The following TSPEAR variants were observed in gnomAD, a reference collection of about 807,000 sequenced individuals.
TSPEAR encodes thrombospondin type laminin G domain and EAR repeats.
TSPEAR carries 69 observed loss-of-function variants against 71.6 expected under a neutral mutation model. That is an observed-to-expected ratio of 0.96 (90% CI 0.79 to 1.18). The LOEUF is 1.18. Among genes scored for constraint, TSPEAR ranks in the 50% most tolerant of loss-of-function variants. TSPEAR has a pLI of 0.00. For synonymous variants in TSPEAR, 402 were observed against 387.2 expected (o/e 1.04, Z -0.45); for missense variants, 971 against 894.9 (o/e 1.09, Z -1.09).
At chr21:44,662,472 T>A (rs1419760406) in intron 1 of TSPEAR, among the ~76,000 whole-genome samples, 2 of 152,200 alleles carry the variant, frequency 1.3e-5, no homozygotes, top group African/African-American at 4.8e-5. Flanking sequence ...AACAGCCAAC[T>A]TTCCAAACAC....
chr21:44,697,920 G>A (rs781949973), intron 1 of TSPEAR: 1 of 1,612,054 alleles, frequency 6.2e-7, no homozygotes, highest in Non-Finnish European at 8.5e-7. Flanking sequence ...CGCCCCACAT[G>A]TTCCCGCCTG....
intron 10 of TSPEAR, among the ~76,000 whole-genome samples, chr21:44,505,664 G>A (rs1021389547): frequency 6.7e-6 from 1 of 148,902 alleles, no homozygotes; most frequent in South Asian, 2.1e-4. Flanking sequence ...GGAATCGCAC[G>A]GTATTTGTCC....
At position 44,525,742 on chromosome 21, in the gene TSPEAR, T is replaced by G. The variant is rs781913166; in HGVS notation, c.1247A>C (p.Tyr416Ser). The change falls in exon 8 of 12, where the codon TAT (tyrosine) becomes TCT (serine). Residue 416 changes from tyrosine (Y) to serine (S), a missense_variant. Transcript: ENST00000323084. ...GGCGCTGTGTGTGGCAATGCTCTGATATGGGGTAAACTTCAGCTTTCTGTG... is the reference window on the plus strand; with the variant it reads ...GGCGCTGTGTGTGGCAATGCTCTGAGATGGGGTAAACTTCAGCTTTCTGTG... ...WSHRKLKFTPYQSIATHSARD... is the reference protein window; with the variant it reads ...WSHRKLKFTPSQSIATHSARD... 274 of 1,613,998 alleles carry G rather than the reference T, an allele frequency of 1.7e-4. No homozygotes were observed. Among genetic ancestry groups the G allele is most frequent in the Non-Finnish European group, 2.2e-4 (262 of 1,180,018 alleles).
chr21:44,620,750 A>T (rs187776481), intron 1 of TSPEAR, among the ~76,000 whole-genome samples: 3 of 152,368 alleles, frequency 2.0e-5, no homozygotes, highest in African/African-American at 7.2e-5. Flanking sequence ...GTGTAAAGTT[A>T]AATTAATGAT....
intron 1 of TSPEAR, among the ~76,000 whole-genome samples, chr21:44,596,911 G>A (rs2146137104): frequency 6.6e-6 from 1 of 152,270 alleles, no homozygotes; most frequent in Admixed American, 6.5e-5. Context: ...ATACAGATAG[G>A]AAATGTGTTT....
intron 1 of TSPEAR, among the ~76,000 whole-genome samples, chr21:44,597,428 CTTTCT>C (rs1386809862): frequency 3.0e-5 from 4 of 134,550 alleles, no homozygotes; most frequent in African/African-American, 6.4e-5. Flanking sequence ...CTTTTTCTTT[CTTTCT>C]TTTCTTTTTT....
rs1569147671 is a variant in TSPEAR, at chr21:44,503,225, G to GGCTGGCCTTGGTGAGCCCTCGGGGGGAA, written c.1856+1554_1856+1555insTTCCCCCCGAGGGCTCACCAAGGCCAGC. ...GGGGGGAAGCAAGGCGCTGGGAGGA[G>GGCTGGCCTTGGTGAGCCCTCGGGGGGAA]GCCGGCCTTGGTGAGCCCACGGGGG... On this transcript the variant is annotated intron_variant, in intron 11 of 11. Transcript: ENST00000323084. 2.1e-3 allele frequency among the ~76,000 whole-genome samples: 255 copies of GGCTGGCCTTGGTGAGCCCTCGGGGGGAA among 122,546 alleles called. 23 individuals are homozygous for GGCTGGCCTTGGTGAGCCCTCGGGGGGAA. The highest frequency in any genetic ancestry group is 7.6e-3 in the African/African-American group (217 of 28,456). 80.4% of individuals were successfully genotyped at this position (122,546 alleles called of 152,430 possible). A position where few individuals can be genotyped will look rare whatever the true frequency, so the allele number is the denominator to read the frequency against.
intron 2 of TSPEAR, among the ~76,000 whole-genome samples, chr21:44,551,984 T>C (rs1425111220): frequency 6.6e-6 from 1 of 152,214 alleles, no homozygotes; most frequent in African/African-American, 2.4e-5. Context: ...TGGGATCTTC[T>C]GAGATCCTGA....
chr21:44,632,355 AG>A (rs1675221782), intron 1 of TSPEAR, among the ~76,000 whole-genome samples: 1 of 85,024 alleles, frequency 1.2e-5, no homozygotes, highest in African/African-American at 3.8e-5. Flanking sequence ...GTGCTGAAAG[AG>A]AAAAAAACTG....
At chr21:44,594,689 C>T (rs2146133089) in intron 1 of TSPEAR, among the ~76,000 whole-genome samples, 1 of 152,284 alleles carries the variant, frequency 6.6e-6, no homozygotes, top group South Asian at 2.1e-4. Flanking sequence ...GGAGCTCCTG[C>T]CCCAGCCCCT....
intron 1 of TSPEAR, among the ~76,000 whole-genome samples, chr21:44,668,039 G>A (rs933374250): frequency 2.0e-5 from 3 of 152,132 alleles, no homozygotes; most frequent in Non-Finnish European, 4.4e-5. Context: ...TTTACTAAGA[G>A]CAACTAGGCA....
chr21:44,514,868 CTCACTCA>C (rs1433832810), intron 9 of TSPEAR, among the ~76,000 whole-genome samples: 2 of 152,144 alleles, frequency 1.3e-5, no homozygotes, highest in East Asian at 1.9e-4. Context: ...CAGCCAGCTC[CTCACTCA>C]TATCTGCCCT....
At chr21:44,575,418 G>GT (rs1168816059) in intron 1 of TSPEAR, 3 of 227,120 alleles carry the variant, frequency 1.3e-5, no homozygotes, top group Non-Finnish European at 2.7e-5. Context: ...CACGGCCATG[G>GT]TTTTCTCCTT....
chr21:44,560,382 G>GC (rs1555920822), intron 2 of TSPEAR, among the ~76,000 whole-genome samples: 24 of 152,228 alleles, frequency 1.6e-4, no homozygotes, highest in African/African-American at 5.5e-4. Flanking sequence ...CACAATAATA[G>GC]TGGGAAACTT....
chr21:44,711,330 A>C lies in TSPEAR; in HGVS notation c.82+103T>G. On this transcript the variant is annotated intron_variant, in intron 1 of 11. Transcript: ENST00000323084. The surrounding 1 kb of genome is among the most constrained non-coding windows in gnomAD (Gnocchi z 4.5). ...CAGTCCTGCCAAAGCGTCCTCGGGC[A>C]CCGCGGCTTGAATCAGTGTTAGAAA... 231 of 963,598 alleles carry C rather than the reference A, an allele frequency of 2.4e-4. No individual in the cohort carries two copies. The highest frequency in any genetic ancestry group is 3.3e-4 in the Non-Finnish European group (211 of 638,906). The allele number at this position is 963,598 out of a possible 1,614,324, so 59.7% of individuals were successfully genotyped here. A position where few individuals can be genotyped will look rare whatever the true frequency, so the allele number is the denominator to read the frequency against.
chr21:44,625,036 A>G (rs1315589749), intron 1 of TSPEAR, among the ~76,000 whole-genome samples: 1 of 152,256 alleles, frequency 6.6e-6, no homozygotes, highest in Non-Finnish European at 1.5e-5. Context: ...AGAGAGTTTT[A>G]TACAGCATAA....
At chr21:44,559,161 G>A (rs1299503093) in intron 2 of TSPEAR, among the ~76,000 whole-genome samples, 5 of 152,220 alleles carry the variant, frequency 3.3e-5, no homozygotes, top group African/African-American at 1.2e-4. Flanking sequence ...GAGGTTAGGA[G>A]AACCTCAGTT....
In TSPEAR at chr21:44,574,194, T is replaced by C. The variant is rs1569194729; in HGVS notation, c.83-6189A>G. The C allele has an allele frequency of 6.2e-6, 10 of 1,613,328 alleles. No homozygotes were observed. The South Asian group carries it at 9.9e-5, about 16-fold the overall frequency. On this transcript the variant is annotated intron_variant, in intron 1 of 11. Coordinates refer to ENST00000323084, the MANE Select transcript of TSPEAR (RefSeq NM_144991.3). ...GCAGTCTAGCTGCCAGTCAGCTTGC[T>C]GCACCTCCTCCCCCTGCCAGCAGGC...
intron 1 of TSPEAR, chr21:44,592,407 G>A: frequency 1.9e-6 from 3 of 1,603,814 alleles, no homozygotes; most frequent in Non-Finnish European, 2.6e-6. Context: ...CGGAGCAAGA[G>A]TCACAGGAAC....
Sources: gnomAD v4.1 joint callset for allele counts (sites outside exome capture counted in the v4.1 genomes callset) on GRCh38, gnomAD v4.1.1 for gene constraint, Gnocchi (gnomAD v3.1) non-coding constraint, MANE v1.5 for transcripts, NCBI Gene and HGNC (gene_info 2026-07-23, HGNC 2026-07-21) for gene names.